CDH8: variants seen among roughly 807,000 people sequenced by gnomAD.
The protein encoded by CDH8 is cadherin 8, also known as cadherin-8.
In CDH8, 17 loss-of-function variants were observed where a neutral mutation model predicts 68.1. That is an observed-to-expected ratio of 0.25 (90% CI 0.17 to 0.37). CDH8 has a LOEUF of 0.37. Ranked by LOEUF, CDH8 falls within the 10% of genes least tolerant of loss-of-function variation. The pLI is 1.00. For missense variants in CDH8, 763 were observed against 999.3 expected, an observed-to-expected ratio of 0.76 and a Z score of 3.19; for synonymous variants, 372 against 365.1, an observed-to-expected ratio of 1.02 and a Z score of -0.21.
At chr16:61,907,841 G>A (rs1277475184) in intron 2 of CDH8, among the ~76,000 whole-genome samples, 10 of 151,946 alleles carry the variant, frequency 6.6e-5, no homozygotes, top group East Asian at 3.9e-4. Context: ...TCAGGAGATC[G>A]AGACCATCCT....
At position 61,665,541 on chromosome 16, in the gene CDH8, A is replaced by T. The variant is rs369135485; in HGVS notation, c.1655-9820T>A. Among the ~76,000 whole-genome samples the T allele has an allele frequency of 2.6e-5, 4 of 152,016 alleles. No individual in the cohort carries two copies. The East Asian group carries it at 7.8e-4, about 30-fold the overall frequency. ...AAGGGGAGAGAGAGTGTTAGGACAA[A>T]TACCTAATGCACACAGGGCTTAAAA... On this transcript the variant is annotated intron_variant, in intron 10 of 11. Transcript: ENST00000577390.
At chr16:61,937,412 A>G (rs1327761257) in intron 2 of CDH8, among the ~76,000 whole-genome samples, 1 of 152,186 alleles carries the variant, frequency 6.6e-6, no homozygotes, top group Non-Finnish European at 1.5e-5. Flanking sequence ...TCAAACTGAC[A>G]AACTGACAAT....
At chr16:61,759,248 T>C (rs900918687) in intron 8 of CDH8, among the ~76,000 whole-genome samples, 5 of 151,984 alleles carry the variant, frequency 3.3e-5, no homozygotes, top group Non-Finnish European at 7.4e-5. Context: ...AATGAAAAAA[T>C]GCTGCCAGAC....
intron 2 of CDH8, among the ~76,000 whole-genome samples, chr16:61,980,678 G>T (rs2150582362): frequency 6.6e-6 from 1 of 152,220 alleles, no homozygotes; most frequent in Non-Finnish European, 1.5e-5. Flanking sequence ...GTAAAAAGTT[G>T]AGTAGATGCA....
At chr16:61,773,241 C>T (rs1394160727) in intron 8 of CDH8, among the ~76,000 whole-genome samples, 6 of 152,054 alleles carry the variant, frequency 3.9e-5, no homozygotes, top group Non-Finnish European at 8.8e-5. Context: ...TCACAGAGAA[C>T]ACTGTCTATC....
chr16:61,763,255 G>A (rs1310904687), intron 8 of CDH8, among the ~76,000 whole-genome samples: 1 of 152,124 alleles, frequency 6.6e-6, no homozygotes, highest in Non-Finnish European at 1.5e-5. Flanking sequence ...TTACAGCAGG[G>A]AATGTCATGA....
intron 2 of CDH8, among the ~76,000 whole-genome samples, chr16:62,015,830 C>T (rs1180641587): frequency 1.5e-4 from 23 of 152,240 alleles, no homozygotes; most frequent in Non-Finnish European, 2.2e-4. Context: ...AAGAAGATTG[C>T]AGTCTACAAA....
intron 2 of CDH8, among the ~76,000 whole-genome samples, chr16:61,932,603 G>A (rs1406830206): frequency 6.6e-6 from 1 of 151,974 alleles, no homozygotes; most frequent in African/African-American, 2.4e-5. Context: ...TTATTTTCTG[G>A]GCCCCGCTTC....
rs185584848 is a variant in CDH8, at chr16:61,706,482, G to A, written c.1654+7359C>T. On this transcript the variant is annotated intron_variant, in intron 10 of 11. Coordinates refer to ENST00000577390, the MANE Select transcript of CDH8 (RefSeq NM_001796.5). ...AATGCAAAAAAAAAATTAGCCGGGC[G>A]TGGTGGCGGGCGCCTGTAGTCCCGG... Among the ~76,000 whole-genome samples, 11 of 152,070 alleles carry A rather than the reference G, an allele frequency of 7.2e-5. No homozygotes were observed. In the East Asian group the frequency reaches 1.2e-3, roughly 16 times the overall value.
At chr16:61,956,480 C>T (rs1012484688) in intron 2 of CDH8, among the ~76,000 whole-genome samples, 2 of 152,108 alleles carry the variant, frequency 1.3e-5, no homozygotes, top group Admixed American at 6.5e-5. Flanking sequence ...CTATTATATT[C>T]TTTAATGTTA....
intron 8 of CDH8, among the ~76,000 whole-genome samples, chr16:61,736,131 GGAAGGAAGGAAGGAAGGAAGGAAGGAAA>G (rs1180667347): frequency 3.2e-4 from 47 of 149,120 alleles, no homozygotes; most frequent in African/African-American, 1.1e-3. Flanking sequence ...AAGGAAGGAA[GGAAGGAAGGAAGGAAGGAAGGAAGGAAA>G]GAAGGAAGGA....
intron 9 of CDH8, among the ~76,000 whole-genome samples, chr16:61,719,390 G>C (rs1240730122): frequency 6.6e-6 from 1 of 150,918 alleles, no homozygotes; most frequent in African/African-American, 2.4e-5. Flanking sequence ...AAACTAAATT[G>C]AAGTAAACCA....
intron 8 of CDH8, among the ~76,000 whole-genome samples, chr16:61,778,872 G>C (rs1319995988): frequency 6.6e-6 from 1 of 152,090 alleles, no homozygotes; most frequent in Non-Finnish European, 1.5e-5. Flanking sequence ...AAGTAGCCTG[G>C]GTTGGACAAA....
At chr16:61,910,822 T>G (rs1964148563) in intron 2 of CDH8, among the ~76,000 whole-genome samples, 1 of 152,184 alleles carries the variant, frequency 6.6e-6, no homozygotes, top group African/African-American at 2.4e-5. Flanking sequence ...GGGTTAGAAT[T>G]CAATATACAA....
chr16:61,873,301 C>G (rs1339475737), intron 3 of CDH8, among the ~76,000 whole-genome samples: 1 of 152,126 alleles, frequency 6.6e-6, no homozygotes, highest in Non-Finnish European at 1.5e-5. Flanking sequence ...GCATATCCCC[C>G]ACACTGGCTT....
chr16:61,900,594 C>A (rs1963951669), intron 3 of CDH8, among the ~76,000 whole-genome samples: 1 of 152,116 alleles, frequency 6.6e-6, no homozygotes, highest in Non-Finnish European at 1.5e-5. Context: ...GTGATGGAGT[C>A]TTCAATGACT....
intron 3 of CDH8, among the ~76,000 whole-genome samples, chr16:61,859,424 A>C (rs1203598549): frequency 1.3e-5 from 2 of 152,150 alleles, no homozygotes; most frequent in Non-Finnish European, 2.9e-5. Context: ...ATTAAGAAGA[A>C]AATATAGGGG....
At chr16:61,814,641 A>C (rs1177743984) in intron 7 of CDH8, among the ~76,000 whole-genome samples, 21 of 152,194 alleles carry the variant, frequency 1.4e-4, no homozygotes. Context: ...CATTCTTGTC[A>C]GTGTATAAAA....
At chr16:61,711,212 A>T (rs1964624616) in intron 10 of CDH8, among the ~76,000 whole-genome samples, 1 of 151,914 alleles carries the variant, frequency 6.6e-6, no homozygotes, top group Admixed American at 6.6e-5. Context: ...TTGTGAATTA[A>T]TTGATAGAAA....
Sources: gnomAD v4.1 joint callset for allele counts (sites outside exome capture counted in the v4.1 genomes callset) on GRCh38, gnomAD v4.1.1 for gene constraint, MANE v1.5 for transcripts, NCBI Gene and HGNC (gene_info 2026-07-23, HGNC 2026-07-21) for gene names.